KCNE1: variants seen among roughly 807,000 people sequenced by gnomAD.
The protein encoded by KCNE1 is potassium voltage-gated channel subfamily E member 1.
In KCNE1, 1 loss-of-function variant was observed where a neutral mutation model predicts 2.9. The ratio of observed to expected loss-of-function variants is 0.34; its 90% confidence interval spans 0.12 to 1.62. KCNE1 has a LOEUF of 1.62. Among genes scored for constraint, KCNE1 ranks in the 40% most tolerant of loss-of-function variants. The pLI, the probability that KCNE1 is intolerant of heterozygous loss-of-function variation, is 0.36. For synonymous variants in KCNE1, 23 were observed against 65.4 expected, an observed-to-expected ratio of 0.35 and a Z score of 3.13; for missense variants, 45 against 150.5, an observed-to-expected ratio of 0.30 and a Z score of 3.67.
intron 2 of KCNE1, among the ~76,000 whole-genome samples, chr21:34,503,545 G>T (rs564805431): frequency 6.6e-6 from 1 of 152,192 alleles, no homozygotes; most frequent in Non-Finnish European, 1.5e-5. Flanking sequence ...TGGAAGTGGG[G>T]CTGTAAGTCC....
intron 2 of KCNE1, among the ~76,000 whole-genome samples, chr21:34,507,143 A>C (rs1983542272): frequency 6.6e-6 from 1 of 152,192 alleles, no homozygotes; most frequent in Non-Finnish European, 1.5e-5. Context: ...CTCTGACAGT[A>C]GCGTAGAGAA....
At chr21:34,497,491 G>A (rs1467542796) in intron 2 of KCNE1, among the ~76,000 whole-genome samples, 1 of 152,096 alleles carries the variant, frequency 6.6e-6, no homozygotes, top group Admixed American at 6.5e-5. Context: ...TTTTGTTTGA[G>A]GAGGCTAAAG....
chr21:34,499,375 T>G (rs1160786393), intron 2 of KCNE1, among the ~76,000 whole-genome samples: 1 of 152,252 alleles, frequency 6.6e-6, no homozygotes, highest in Non-Finnish European at 1.5e-5. Flanking sequence ...CCCATCCTGT[T>G]GGCCACAGCT....
intron 2 of KCNE1, among the ~76,000 whole-genome samples, chr21:34,506,885 C>A (rs186390889): frequency 6.6e-6 from 1 of 152,068 alleles, no homozygotes; most frequent in Non-Finnish European, 1.5e-5. Context: ...CCAAAGGACA[C>A]GATGCTCAAG....
chr21:34,496,223 G>A (rs1399625564), intron 2 of KCNE1, among the ~76,000 whole-genome samples: 1 of 152,028 alleles, frequency 6.6e-6, no homozygotes, highest in Non-Finnish European at 1.5e-5. Flanking sequence ...ACAGGCGCCT[G>A]CCACCACTCC....
At position 34,511,088 on chromosome 21, in the gene KCNE1, C is replaced by T. The variant is rs540473636; in HGVS notation, c.-162+13G>A. ...TAACTGAGGAAAGGGTCTGTGCAAC[C>T]CCCTTCTCCTACCAGTTCTCGTTTC... On this transcript the variant is annotated intron_variant, in intron 2 of 3. Transcript: ENST00000399286. 73 of 955,766 alleles carry T rather than the reference C, an allele frequency of 7.6e-5. 1 individual carries two copies. In the South Asian group the frequency reaches 3.0e-3, roughly 40 times the overall value. The allele number at this position is 955,766 out of a possible 1,614,324, so 59.2% of individuals were successfully genotyped here. A position where few individuals can be genotyped will look rare whatever the true frequency, so the allele number is the denominator to read the frequency against.
intron 2 of KCNE1, among the ~76,000 whole-genome samples, chr21:34,508,503 C>T (rs554349033): frequency 1.9e-4 from 29 of 152,208 alleles, no homozygotes; most frequent in African/African-American, 6.3e-4. Context: ...CCATCACACT[C>T]GGCTAATTTT....
intron 2 of KCNE1, among the ~76,000 whole-genome samples, chr21:34,502,966 T>A (rs1983257419): frequency 6.6e-6 from 1 of 152,210 alleles, no homozygotes; most frequent in African/African-American, 2.4e-5. Flanking sequence ...TGGCACCAGA[T>A]AGATGGGGAT....
chr21:34,502,445 T>A (rs1163398955), intron 2 of KCNE1, among the ~76,000 whole-genome samples: 1 of 152,248 alleles, frequency 6.6e-6, no homozygotes, highest in Non-Finnish European at 1.5e-5. Context: ...TCTCACCTTC[T>A]GACACCAATC....
intron 2 of KCNE1, among the ~76,000 whole-genome samples, chr21:34,503,655 C>T (rs535922794): frequency 2.6e-5 from 4 of 152,324 alleles, no homozygotes; most frequent in South Asian, 2.1e-4. Context: ...ACAAAAGACA[C>T]TCATCACTCT....
intron 2 of KCNE1, among the ~76,000 whole-genome samples, chr21:34,501,236 A>G (rs1397939407): frequency 6.6e-6 from 1 of 152,204 alleles, no homozygotes; most frequent in Non-Finnish European, 1.5e-5. Context: ...TACAGCAGAG[A>G]GTAGGACCGG....
chr21:34,507,394 T>C (rs1983563459), intron 2 of KCNE1, among the ~76,000 whole-genome samples: 1 of 152,116 alleles, frequency 6.6e-6, no homozygotes, highest in African/African-American at 2.4e-5. Context: ...GGGAAAACGC[T>C]CATATGCAAT....
chr21:34,497,980 C>A (rs1982917005), intron 2 of KCNE1, among the ~76,000 whole-genome samples: 2 of 152,042 alleles, frequency 1.3e-5, no homozygotes, highest in South Asian at 4.1e-4. Flanking sequence ...CTATTGTTGA[C>A]ACTTTCCAGT....
intron 2 of KCNE1, among the ~76,000 whole-genome samples, chr21:34,504,869 G>A (rs1983389518): frequency 6.6e-6 from 1 of 152,134 alleles, no homozygotes; most frequent in Non-Finnish European, 1.5e-5. Context: ...ACAGAAAGAA[G>A]ATTAGTGGGA....
At chr21:34,501,851 A>G (rs2834498) in intron 2 of KCNE1, among the ~76,000 whole-genome samples, 21,539 of 152,238 alleles carry the variant, frequency 0.14, 1,794 homozygotes, top group Non-Finnish European at 0.19. Context: ...TTAAAGAATG[A>G]CATCTGCTAA....
At chr21:34,499,432 T>C (rs1274121810) in intron 2 of KCNE1, among the ~76,000 whole-genome samples, 1 of 152,182 alleles carries the variant, frequency 6.6e-6, no homozygotes. Context: ...CGGATTCTGT[T>C]CAAGAGAATT....
chr21:34,497,882 T>C (rs1982908909), intron 2 of KCNE1, among the ~76,000 whole-genome samples: 1 of 152,128 alleles, frequency 6.6e-6, no homozygotes, highest in Non-Finnish European at 1.5e-5. Context: ...AAATTCTTTT[T>C]TTTTCTTTTT....
chr21:34,501,899 G>T (rs1206162570), intron 2 of KCNE1, among the ~76,000 whole-genome samples: 1 of 152,232 alleles, frequency 6.6e-6, no homozygotes, highest in Non-Finnish European at 1.5e-5. Flanking sequence ...ACTCTGGACT[G>T]TAGTAACAAT....
intron 2 of KCNE1, among the ~76,000 whole-genome samples, chr21:34,506,499 C>T (rs967856237): frequency 3.3e-5 from 5 of 151,992 alleles, no homozygotes; most frequent in African/African-American, 9.7e-5. Context: ...TATTCATGTG[C>T]GTCACCCACT....
Sources: gnomAD v4.1 joint callset for allele counts (sites outside exome capture counted in the v4.1 genomes callset) on GRCh38, gnomAD v4.1.1 for gene constraint, MANE v1.5 for transcripts, NCBI Gene and HGNC (gene_info 2026-07-23, HGNC 2026-07-21) for gene names.